The following PTPRS variants were observed in gnomAD, a reference collection of about 807,000 sequenced individuals.
PTPRS encodes the protein receptor-type tyrosine-protein phosphatase S.
In PTPRS, 63 loss-of-function variants were observed where a neutral mutation model predicts 215.3. The ratio of observed to expected loss-of-function variants is 0.29; its 90% CI spans 0.24 to 0.36. PTPRS has a LOEUF of 0.36. Ranked by LOEUF, PTPRS falls within the 10% of genes least tolerant of loss-of-function variation. The pLI is 1.00. For synonymous variants in PTPRS, 1,404 were observed against 1,191.4 expected (o/e 1.18, Z -3.68); for missense variants, 2,258 against 2,825.8 (o/e 0.80, Z 4.56).
At chr19:5,219,276 TGTCAA>T (rs745915967) in intron 23 of PTPRS, 29 bp downstream of exon 23, 196 of 1,612,238 alleles carry the variant, frequency 1.2e-4, no homozygotes, top group Non-Finnish European at 1.6e-4. Flanking sequence ...CCCTCCCTGC[TGTCAA>T]GTCAAGTCGG....
chr19:5,334,129 C>A (rs998976803), intron 1 of PTPRS, among the ~76,000 whole-genome samples: 3 of 152,238 alleles, frequency 2.0e-5, no homozygotes, highest in African/African-American at 7.2e-5. Context: ...GTCGCCCAGT[C>A]CTGCCGCAGA....
chr19:5,330,714 G>T (rs976164273), intron 1 of PTPRS, among the ~76,000 whole-genome samples: 1 of 152,182 alleles, frequency 6.6e-6, no homozygotes, highest in Admixed American at 6.5e-5. Flanking sequence ...ACACAGCCAG[G>T]GAGGGTCTTT....
At chr19:5,335,465 T>A (rs917846884) in intron 1 of PTPRS, among the ~76,000 whole-genome samples, 1 of 152,182 alleles carries the variant, frequency 6.6e-6, no homozygotes, top group Middle Eastern at 3.4e-3. Flanking sequence ...AGGAAGCTCC[T>A]GCACGGAGAA....
chr19:5,326,119 A>G (rs1425936117), intron 1 of PTPRS, among the ~76,000 whole-genome samples: 1 of 152,148 alleles, frequency 6.6e-6, no homozygotes, highest in African/African-American at 2.4e-5. Context: ...TAATCCCAGC[A>G]TCTCGGGAGG....
At chr19:5,219,053 G>T in intron 23 of PTPRS, 1 of 637,284 alleles carries the variant, frequency 1.6e-6, no homozygotes, top group Non-Finnish European at 2.7e-6. Flanking sequence ...CTGGACACAG[G>T]CAGCCTCTAC....
chr19:5,225,719 T>C lies in PTPRS; in HGVS notation c.2494+8A>G. ...TGTTGGTGGGTGGGAGGAGGGCGGG[T>C]TGCATACCTGCTCCCTTGGTCACAA... On this transcript the variant is annotated splice_region_variant and intron_variant, in intron 17 of 37. Coordinates refer to ENST00000262963, the MANE Select transcript of PTPRS (RefSeq NM_002850.4). 1 of 1,611,634 alleles carries C rather than the reference T, an allele frequency of 6.2e-7. No homozygotes were observed. The highest frequency in any genetic ancestry group is 8.5e-7 in the Non-Finnish European group (1 of 1,178,242).
chr19:5,222,366 G>A lies in PTPRS; in HGVS notation c.3104-146C>T. 5 of 732,552 alleles carry A rather than the reference G, an allele frequency of 6.8e-6. No homozygotes were observed. In the South Asian group the frequency reaches 8.3e-5, roughly 12 times the overall value. 45.4% of individuals were successfully genotyped at this position (732,552 alleles called of 1,614,324 possible). On this transcript the variant is annotated intron_variant, in intron 18 of 37. Transcript: ENST00000262963. ...CCCATGCCCACGGCCTTCCTGCCTG[G>A]CCCTGGCCCGGCCCTGCCCTGTCCT...
At chr19:5,263,737 G>C (rs1488866192) in intron 5 of PTPRS, among the ~76,000 whole-genome samples, 1 of 152,272 alleles carries the variant, frequency 6.6e-6, no homozygotes. Context: ...GGGAGGTGCA[G>C]GCTGAGAGGC....
intron 20 of PTPRS, 138 bp from the exon 21 acceptor site, chr19:5,220,491 T>A: frequency 1.4e-6 from 1 of 735,222 alleles, no homozygotes; most frequent in Non-Finnish European, 2.3e-6. Context: ...CTATGCCCCA[T>A]CCACAAACGC....
chr19:5,268,039 G>A (rs914787502), intron 4 of PTPRS, among the ~76,000 whole-genome samples: 10 of 152,038 alleles, frequency 6.6e-5, no homozygotes, highest in African/African-American at 1.4e-4. Flanking sequence ...GCTTGGTGAC[G>A]GGCACCTGTA....
At chr19:5,313,446 G>A (rs910309654) in intron 1 of PTPRS, among the ~76,000 whole-genome samples, 2 of 152,198 alleles carry the variant, frequency 1.3e-5, no homozygotes, top group Non-Finnish European at 2.9e-5. Flanking sequence ...ATAGGAAACC[G>A]GGTGCTGGGG....
chr19:5,340,178 G>T, intron 1 of PTPRS, among the ~76,000 whole-genome samples: 1 of 150,808 alleles, frequency 6.6e-6, no homozygotes, highest in Non-Finnish European at 1.5e-5. Flanking sequence ...CGGGGCGCCC[G>T]CATGCCCCCC....
At chr19:5,299,074 A>G (rs939584955) in intron 1 of PTPRS, among the ~76,000 whole-genome samples, 4 of 151,978 alleles carry the variant, frequency 2.6e-5, no homozygotes, top group Non-Finnish European at 5.9e-5. Context: ...CCTGGTCCCC[A>G]GCCTCCCACC....
chr19:5,310,311 TTC>T (rs996710732), intron 1 of PTPRS, among the ~76,000 whole-genome samples: 1 of 148,556 alleles, frequency 6.7e-6, no homozygotes, highest in African/African-American at 2.5e-5. Flanking sequence ...TCTAGCTTTT[TTC>T]TTTTCTTTTT....
At chr19:5,276,019 C>T (rs894971683) in intron 2 of PTPRS, among the ~76,000 whole-genome samples, 1 of 152,172 alleles carries the variant, frequency 6.6e-6, no homozygotes, top group East Asian at 1.9e-4. Flanking sequence ...CCCAGCTCTG[C>T]CATCCCCATT....
chr19:5,263,163 T>G (rs2046141107), intron 5 of PTPRS, among the ~76,000 whole-genome samples, 191 bp from the exon 6 acceptor site: 1 of 152,054 alleles, frequency 6.6e-6, no homozygotes, highest in Admixed American at 6.6e-5. Flanking sequence ...GCGCTAGACA[T>G]TCCATCCTGG....
rs1364417074 is a variant in PTPRS at position 5,294,583 on chromosome 19, C to G, written c.-94-8349G>C. 1.3e-5 allele frequency: 2 copies of G among 152,186 alleles called. No individual in the cohort carries two copies. Among genetic ancestry groups the G allele is most frequent in the African/African-American group, 2.4e-5 (1 of 41,430 alleles). The allele number at this position is 152,186 out of a possible 1,614,324, so 9.4% of individuals were successfully genotyped here. Reference sequence around the variant, plus strand: ...AGCCCAGCAGAAACAATTCCGCTCCCACGGCTCCCGTCCATGCCCTCCCAC... The same window carrying G: ...AGCCCAGCAGAAACAATTCCGCTCCGACGGCTCCCGTCCATGCCCTCCCAC... On this transcript the variant is annotated intron_variant, in intron 1 of 37. Transcript: ENST00000262963. The surrounding 1 kb of genome is among the most constrained non-coding windows in gnomAD (Gnocchi z 5.1).
At chr19:5,306,652 A>C (rs1196416766) in intron 1 of PTPRS, among the ~76,000 whole-genome samples, 5 of 151,888 alleles carry the variant, frequency 3.3e-5, no homozygotes, top group Non-Finnish European at 7.4e-5. Flanking sequence ...ACCTCACCCA[A>C]TGCCATGGTG....
chr19:5,335,723 C>T (rs917581876), intron 1 of PTPRS, among the ~76,000 whole-genome samples: 2 of 152,154 alleles, frequency 1.3e-5, no homozygotes, highest in Admixed American at 6.5e-5. Context: ...GCCCCAGTTA[C>T]GGCGATGGGG....
Sources: allele counts gnomAD v4.1 joint callset (sites outside exome capture counted in the v4.1 genomes callset), GRCh38; gene constraint gnomAD v4.1.1; non-coding constraint Gnocchi (gnomAD v3.1); transcripts MANE v1.5; gene names NCBI Gene and HGNC (gene_info 2026-07-23, HGNC 2026-07-21).